The following MMP24 variants were observed in gnomAD, a reference collection of about 807,000 sequenced individuals.
MMP24 encodes matrix metallopeptidase 24.
A neutral mutation model predicts 62.8 loss-of-function variants in MMP24; 25 were observed. The ratio of observed to expected loss-of-function variants is 0.40; its 90% CI spans 0.29 to 0.56. The LOEUF (loss-of-function observed/expected upper bound fraction) is 0.56. Ranked by LOEUF, MMP24 falls within the 20% of genes least tolerant of loss-of-function variation. The probability of loss-of-function intolerance (pLI) is 0.50; values close to 1 mark genes in which losing one functional copy is unlikely to be tolerated. For missense variants in MMP24, 634 were observed against 853.6 expected (o/e 0.74, Z 3.21); for synonymous variants, 319 against 350.5 (o/e 0.91, Z 1.00).
rs6120885 is a variant in MMP24 at position 35,270,780 on chromosome 20, C to T, written c.1334-789C>T. On this transcript the variant is annotated intron_variant, in intron 7 of 8. Coordinates refer to ENST00000246186, the MANE Select transcript of MMP24 (RefSeq NM_006690.4). ...CTCGGCCAGGCGCAGTGGCTCACGCCCGAAATCCCAGCACTTTGGGAGGCC... is the reference window on the plus strand; with the variant it reads ...CTCGGCCAGGCGCAGTGGCTCACGCTCGAAATCCCAGCACTTTGGGAGGCC... Among the ~76,000 whole-genome samples, 1,501 of 152,284 alleles carry T rather than the reference C, an allele frequency of 9.9e-3. 27 individuals are homozygous for T. Among genetic ancestry groups the T allele is most frequent in the African/African-American group, 0.034 (1,421 of 41,542 alleles).
intron 5 of MMP24, among the ~76,000 whole-genome samples, chr20:35,266,550 G>A (rs117966504): frequency 2.4e-3 from 369 of 152,162 alleles, no homozygotes; most frequent in Non-Finnish European, 4.2e-3. Context: ...AGGACACGCA[G>A]CCAGCAAAGG....
rs6060341 is a variant in MMP24 at position 35,275,830 on chromosome 20, A to G, written c.*1221A>G. 0.22 allele frequency: 87,196 copies of G among 394,568 alleles called. 9,982 individuals carry two copies. The highest frequency in any genetic ancestry group is 0.34 in the South Asian group (2,368 of 6,988). 24.4% of individuals were successfully genotyped at this position (394,568 alleles called of 1,614,324 possible). On this transcript the variant is annotated 3_prime_UTR_variant, in exon 9 of 9. Transcript: ENST00000246186. ...GGGCCCATCTTCCCACACTGCTCTTAGAAGGACACCCCTACCGGTAGCAGC... is the reference window on the plus strand; with the variant it reads ...GGGCCCATCTTCCCACACTGCTCTTGGAAGGACACCCCTACCGGTAGCAGC...
chr20:35,264,483 G>A (rs2060620894), intron 5 of MMP24, among the ~76,000 whole-genome samples: 1 of 152,106 alleles, frequency 6.6e-6, no homozygotes, highest in Admixed American at 6.5e-5. Flanking sequence ...CTTGAGGTCA[G>A]GAGTTTGAGA....
rs2060709083 is a variant in MMP24 at position 35,276,618 on chromosome 20, CCT to C, written c.*2011_*2012del. On this transcript the variant is annotated 3_prime_UTR_variant, in exon 9 of 9. Transcript: ENST00000246186. ...CCCCACTTCCTGGTCCCTGTCCACT[CCT>C]CAGGTTGGTGCTCTCACTTCTTGAA... 1 of 234,528 alleles carries C rather than the reference CCT, an allele frequency of 4.3e-6. No individual in the cohort carries two copies. Among genetic ancestry groups the C allele is most frequent in the Admixed American group, 5.7e-5 (1 of 17,510 alleles). 14.5% of individuals were successfully genotyped at this position (234,528 alleles called of 1,614,324 possible).
chr20:35,266,296 G>A (rs1474648967), intron 5 of MMP24, among the ~76,000 whole-genome samples: 5 of 146,072 alleles, frequency 3.4e-5, no homozygotes, highest in Middle Eastern at 3.5e-3. Context: ...AGGTTGCAGT[G>A]AGCTTAGATC....
rs530617871 is a variant in MMP24, at chr20:35,239,199, C to T, written c.247-7641C>T. 4.9e-4 allele frequency among the ~76,000 whole-genome samples: 75 copies of T among 151,916 alleles called. No individual in the cohort carries two copies. The South Asian group carries it at 7.1e-3, about 14-fold the overall frequency. On this transcript the variant is annotated intron_variant, in intron 1 of 8. Transcript: ENST00000246186. The stretch of plus-strand genomic sequence containing the variant: ...GTAGCTAGGATTACAGGCGCACGCC[C>T]GGCTAATTTTTGTATTTTTAGTAGA...
In MMP24 at chr20:35,250,572, AAAAG is replaced by A. The variant is rs1350984308; in HGVS notation, c.396-1319_396-1316del. ...AGCGAGACTCTGTCTCAAAAAAAAA[AAAAG>A]AAAGAAAGAAAGAGAAATACCTGAA... is the stretch of plus-strand genomic sequence containing the variant. On this transcript the variant is annotated intron_variant, in intron 2 of 8. Coordinates refer to ENST00000246186, the MANE Select transcript of MMP24 (RefSeq NM_006690.4). Among the ~76,000 whole-genome samples the A allele has an allele frequency of 3.4e-3, 512 of 152,116 alleles. 2 individuals carry two copies. The highest frequency in any genetic ancestry group is 0.012 in the African/African-American group (483 of 41,448).
chr20:35,228,418 CAT>C (rs1338299102), intron 1 of MMP24, among the ~76,000 whole-genome samples: 2 of 152,178 alleles, frequency 1.3e-5, no homozygotes, highest in African/African-American at 4.8e-5. Context: ...TGTTTTATCA[CAT>C]GTTAAAGTAA....
Position 35,271,595 on chromosome 20 carries a change from G to A in MMP24, c.1360G>A (p.Val454Met), listed in dbSNP as rs749389764. The A allele has an allele frequency of 6.2e-7, 1 of 1,613,074 alleles. No homozygotes were observed. The highest frequency in any genetic ancestry group is 1.1e-5 in the South Asian group (1 of 90,744). ...TGACAAGTATTGGGTGTTTAAGGAG[G>A]TGACGGTGGAGCCTGGGTACCCCCA... is the stretch of plus-strand genomic sequence containing the variant. ...KGDKYWVFKE[V>M]TVEPGYPHSL... Residue 454 changes from valine (V) to methionine (M), a missense_variant, in exon 8 of 9, where the codon GTG (valine) becomes ATG (methionine). Val to Met is a conservative substitution (Grantham distance 21). Transcript: ENST00000246186. The surrounding 1 kb of genome is among the most constrained non-coding windows in gnomAD (Gnocchi z 4.0).
intron 1 of MMP24, among the ~76,000 whole-genome samples, chr20:35,235,090 A>G (rs1193160934): frequency 6.6e-6 from 1 of 152,152 alleles, no homozygotes; most frequent in Non-Finnish European, 1.5e-5. Context: ...TAGTTCAACC[A>G]TCTCCCTGTT....
chr20:35,265,119 G>A (rs1450062072), intron 5 of MMP24, among the ~76,000 whole-genome samples: 1 of 152,188 alleles, frequency 6.6e-6, no homozygotes, highest in Non-Finnish European at 1.5e-5. Flanking sequence ...AGGAGGGAGG[G>A]TCAAGGATGC....
chr20:35,243,158 A>G (rs2060497412), intron 1 of MMP24, among the ~76,000 whole-genome samples: 1 of 152,144 alleles, frequency 6.6e-6, no homozygotes, highest in Non-Finnish European at 1.5e-5. Flanking sequence ...CAGCCTGGGC[A>G]AGAGAGCAAG....
intron 3 of MMP24, among the ~76,000 whole-genome samples, chr20:35,252,771 ATTGAGCAGGCTCAGG>A (rs1168290202): frequency 8.3e-5 from 12 of 143,842 alleles, no homozygotes; most frequent in South Asian, 2.4e-4. Context: ...AGGGCCAGGC[ATTGAGCAGGCTCAGG>A]TGGGGGTGGG....
At chr20:35,238,211 CAT>C (rs1010245554) in intron 1 of MMP24, among the ~76,000 whole-genome samples, 1 of 152,178 alleles carries the variant, frequency 6.6e-6, no homozygotes, top group Non-Finnish European at 1.5e-5. Context: ...AAATGGGTAA[CAT>C]AGTCAATTAT....
At position 35,274,525 on chromosome 20, in the gene MMP24, G is replaced by A; in HGVS notation, c.1854G>A (p.Leu618=). 6.2e-7 allele frequency: 1 copy of A among 1,614,046 alleles called. No homozygotes were observed. The highest frequency in any genetic ancestry group is 8.5e-7 in the Non-Finnish European group (1 of 1,179,900). ...PCILSLCILV[L]VYTIFQFKNK... ...TCCTGTCCCTCTGCATCCTGGTGCT[G>A]GTCTACACCATCTTCCAGTTCAAGA... is the stretch of plus-strand genomic sequence containing the variant. Residue 618 remains leucine, a synonymous_variant, in exon 9 of 9, where the codon CTG becomes CTA. Transcript: ENST00000246186. The surrounding 1 kb of genome is among the most constrained non-coding windows in gnomAD (Gnocchi z 5.1).
intron 1 of MMP24, among the ~76,000 whole-genome samples, chr20:35,227,390 G>A (rs1242262741): frequency 6.6e-6 from 1 of 151,864 alleles, no homozygotes; most frequent in Non-Finnish European, 1.5e-5. Context: ...GAAGGGGGAG[G>A]GGGAGGGCGG....
At chr20:35,246,087 A>G (rs34928361) in intron 1 of MMP24, among the ~76,000 whole-genome samples, 5,556 of 152,130 alleles carry the variant, frequency 0.037, 337 homozygotes, top group African/African-American at 0.13. Context: ...ATGATTCTTC[A>G]TCAGGCTTTG....
rs2060695446 is a variant in MMP24 at position 35,274,927 on chromosome 20, TG to T, written c.*319del. 1 of 363,680 alleles carries T rather than the reference TG, an allele frequency of 2.7e-6. No individual in the cohort carries two copies. Among genetic ancestry groups the T allele is most frequent in the Non-Finnish European group, 5.0e-6 (1 of 198,070 alleles). The allele number at this position is 363,680 out of a possible 1,614,324, so 22.5% of individuals were successfully genotyped here. ...AGGAGCCCCTGTGGTCACGGCATCC[TG>T]TGGTGTCCATGAGGTACCACAGCTC... On this transcript the variant is annotated 3_prime_UTR_variant, in exon 9 of 9. Transcript: ENST00000246186. The surrounding 1 kb of genome is among the most constrained non-coding windows in gnomAD (Gnocchi z 5.1).
chr20:35,258,462 T>A (rs2146224494), intron 4 of MMP24, among the ~76,000 whole-genome samples: 1 of 152,192 alleles, frequency 6.6e-6, no homozygotes, highest in South Asian at 2.1e-4. Flanking sequence ...AACACCCCCG[T>A]CCTACACACA....
Sources: allele counts gnomAD v4.1 joint callset (sites outside exome capture counted in the v4.1 genomes callset), GRCh38; gene constraint gnomAD v4.1.1; non-coding constraint Gnocchi (gnomAD v3.1); transcripts MANE v1.5; gene names NCBI Gene and HGNC (gene_info 2026-07-23, HGNC 2026-07-21).